The following TNRC18 variants were observed in gnomAD, a reference collection of about 807,000 sequenced individuals.
The protein encoded by TNRC18 is trinucleotide repeat containing 18.
Under a neutral mutation model 226.7 loss-of-function variants are expected in TNRC18, and 69 were observed. The ratio of observed to expected loss-of-function variants is 0.30; its 90% CI spans 0.25 to 0.37. The LOEUF is 0.37. TNRC18 is among the 10% of genes least tolerant of loss of function. The probability of loss-of-function intolerance (pLI) is 1.00; values close to 1 mark genes in which losing one functional copy is unlikely to be tolerated. For synonymous variants in TNRC18, 2,449 were observed against 1,927.6 expected, an observed-to-expected ratio of 1.27 and a Z score of -7.09; for missense variants, 4,754 against 4,256.6, an observed-to-expected ratio of 1.12 and a Z score of -3.25.
intron 3 of TNRC18, among the ~76,000 whole-genome samples, chr7:5,391,153 T>C (rs1180842744): frequency 6.6e-6 from 1 of 151,968 alleles, no homozygotes; most frequent in Non-Finnish European, 1.5e-5. Context: ...CTGCCTTCTC[T>C]GAACCTCAGC....
rs773873114 is a variant in TNRC18 at position 5,313,772 on chromosome 7, C to T, written c.7119G>A (p.Lys2373=). 41 of 1,547,390 alleles carry T rather than the reference C, an allele frequency of 2.6e-5. No individual in the cohort carries two copies. In the African/African-American group the frequency reaches 3.6e-4, roughly 13 times the overall value. ...TGTCCACAGGCTCTGGGGGGCTCTT[C>T]TTGGAACCTGGGGTGCTGCTCGGCT... ...ALEPSSTPGS[K]KSPPEPVDKR... is the part of the protein sequence containing the mutation. Residue 2373 remains lysine (K), a synonymous_variant, in exon 27 of 30, where the codon AAG becomes AAA. Coordinates refer to ENST00000430969, the MANE Select transcript of TNRC18 (RefSeq NM_001080495.3).
At chr7:5,373,833 C>T (rs1401890338) in intron 10 of TNRC18, among the ~76,000 whole-genome samples, 1 of 152,084 alleles carries the variant, frequency 6.6e-6, no homozygotes, top group African/African-American at 2.4e-5. Flanking sequence ...TAATATTACA[C>T]CCATTTCCCT....
chr7:5,360,397 T>G (rs978486103), intron 14 of TNRC18, among the ~76,000 whole-genome samples: 1 of 152,008 alleles, frequency 6.6e-6, no homozygotes, highest in South Asian at 2.1e-4. Context: ...ACCTGGCTAA[T>G]TTTTGTATTT....
intron 5 of TNRC18, among the ~76,000 whole-genome samples, chr7:5,383,652 A>C (rs1249517078): frequency 6.6e-6 from 1 of 152,210 alleles, no homozygotes; most frequent in Non-Finnish European, 1.5e-5. Flanking sequence ...AGCTGGGGGA[A>C]CTGCCCAGAC....
chr7:5,345,516 C>CGGGGGCGG, intron 18 of TNRC18, 46 bp downstream of exon 18: 1 of 354,368 alleles, frequency 2.8e-6, no homozygotes, highest in Non-Finnish European at 5.2e-6. Flanking sequence ...CAATGGCGTC[C>CGGGGGCGG]GCCCCTCCCA....
intron 11 of TNRC18, among the ~76,000 whole-genome samples, chr7:5,363,378 A>G (rs1049840077): frequency 6.6e-6 from 1 of 151,982 alleles, no homozygotes; most frequent in Non-Finnish European, 1.5e-5. Flanking sequence ...CGAGGCGGGC[A>G]GATCATGAGG....
At chr7:5,379,030 C>T (rs144181737) in intron 5 of TNRC18, among the ~76,000 whole-genome samples, 2,876 of 151,810 alleles carry the variant, frequency 0.019, 68 homozygotes, top group South Asian at 0.057. Flanking sequence ...ACCGTCTCTA[C>T]TAAAAAAAAT....
intron 15 of TNRC18, 133 bp downstream of exon 15, chr7:5,359,265 C>T (rs761016185): frequency 4.6e-5 from 43 of 926,428 alleles, no homozygotes; most frequent in Non-Finnish European, 6.7e-5. Context: ...AGAGTCATTC[C>T]GGCATTGAAG....
chr7:5,377,518 C>T lies in TNRC18; in HGVS notation c.2314G>A (p.Gly772Ser). The T allele has an allele frequency of 2.5e-6, 4 of 1,588,538 alleles. No individual in the cohort carries two copies. Among genetic ancestry groups the T allele is most frequent in the Non-Finnish European group, 3.4e-6 (4 of 1,168,124 alleles). The change falls in exon 7 of 30, where the codon GGC becomes AGC. Residue 772 changes from glycine (G) to serine (S), a missense_variant. Gly to Ser is a moderately conservative substitution (Grantham distance 56). Coordinates refer to ENST00000430969, the MANE Select transcript of TNRC18 (RefSeq NM_001080495.3). This position sits in a 1 kb window ranked among gnomAD's most constrained non-coding sequence, Gnocchi z 5.8. The stretch of plus-strand genomic sequence containing the variant: ...GTCACCATGAGGTTGGGGTTCAGGC[C>T]GTTAGGAGCACAGCTGGTAGGGTGC... Reference protein sequence around the residue: ...RLHPTSCAPNGLNPNLMVTGG... With the variant: ...RLHPTSCAPNSLNPNLMVTGG...
Position 5,309,496 on chromosome 7 carries a change from G to C in TNRC18, c.8389-128C>G. 2 of 755,618 alleles carry C rather than the reference G, an allele frequency of 2.6e-6. No individual in the cohort carries two copies. Among genetic ancestry groups the C allele is most frequent in the Non-Finnish European group, 2.1e-6 (1 of 471,916 alleles). The allele number at this position is 755,618 out of a possible 1,614,324, so 46.8% of individuals were successfully genotyped here. A position where few individuals can be genotyped will look rare whatever the true frequency, so the allele number is the denominator to read the frequency against. On this transcript the variant is annotated intron_variant, in intron 27 of 29. Transcript: ENST00000430969. The surrounding 1 kb of genome is among the most constrained non-coding windows in gnomAD (Gnocchi z 5.7). ...ATCAACCCCTATCCAACTGTGGGGA[G>C]ATGAGGAAGCTCCTTGTCTCGCTTC...
intron 19 of TNRC18, 64 bp from the exon 20 acceptor site, chr7:5,325,312 T>A: frequency 6.6e-7 from 1 of 1,512,886 alleles, no homozygotes; most frequent in African/African-American, 1.4e-5. Flanking sequence ...AGCACCCCTG[T>A]CCCCCTCACT....
At position 5,316,052 on chromosome 7, in the gene TNRC18, C is replaced by T. The variant is rs1256713064; in HGVS notation, c.6766G>A (p.Asp2256Asn). ...VVRGLLDLED[D>N]GDLITVEFDD... is the part of the protein sequence containing the mutation. ...AACTCCACGGTGATCAAGTCCCCAT[C>T]GTCCTCCAGGTCCAGTAACCCTGTG... The change falls in exon 25 of 30, where the codon GAT becomes AAT. Residue 2256 changes from aspartate (D) to asparagine (N), a missense_variant. By Grantham distance (23) the Asp-to-Asn change is conservative (BLOSUM62 1). Transcript: ENST00000430969. 6.2e-7 allele frequency: 1 copy of T among 1,611,002 alleles called. No homozygotes were observed. Among genetic ancestry groups the T allele is most frequent in the Non-Finnish European group, 8.5e-7 (1 of 1,178,560 alleles).
chr7:5,422,085 G>A (rs1453783609), intron 1 of TNRC18, among the ~76,000 whole-genome samples: 1 of 152,228 alleles, frequency 6.6e-6, no homozygotes, highest in East Asian at 1.9e-4. Flanking sequence ...TTTTAAAGAG[G>A]CTCGTGGTCC....
intron 17 of TNRC18, among the ~76,000 whole-genome samples, chr7:5,349,046 A>C (rs1455158924): frequency 6.6e-6 from 1 of 152,182 alleles, no homozygotes; most frequent in Non-Finnish European, 1.5e-5. Flanking sequence ...AGACTCCAGA[A>C]ATCTTTCCCA....
chr7:5,361,720 TC>T lies in TNRC18; in HGVS notation c.4534del (p.Asp1512ThrfsTer44). On this transcript the variant is annotated frameshift_variant and splice_region_variant, in exon 14 of 30. Transcript: ENST00000430969. LOFTEE classifies it high-confidence loss of function. ...GCTTCTATGGGGTTCCTCGCGCCTG[TC>T]CCTTAAAAAGAATCACACGCTTGGC... ...VKLQRRRDSE[D>X]RREEPHRSLA... is the part of the protein sequence containing the mutation. 6.4e-7 allele frequency: 1 copy of T among 1,564,256 alleles called. No individual in the cohort carries two copies.
chr7:5,404,078 G>T (rs7784026), intron 2 of TNRC18, among the ~76,000 whole-genome samples: 20,436 of 152,262 alleles, frequency 0.13, 2,573 homozygotes, highest in African/African-American at 0.33. Context: ...AATGCCATAA[G>T]AATCCCAGGC....
At position 5,357,014 on chromosome 7, in the gene TNRC18, G is replaced by A. The variant is rs1180334209; in HGVS notation, c.5096C>T (p.Ala1699Val). The A allele has an allele frequency of 6.4e-7, 1 of 1,552,346 alleles. No homozygotes were observed. The highest frequency in any genetic ancestry group is 8.7e-7 in the Non-Finnish European group (1 of 1,147,142). Residue 1699 changes from alanine (A) to valine (V), a missense_variant, in exon 16 of 30, where the codon GCA becomes GTA. By Grantham distance (64) the Ala-to-Val change is moderately conservative. Transcript: ENST00000430969. Reference protein sequence around the residue: ...KSSREGKHKRAAKTRKMEVGF... With the variant: ...KSSREGKHKRVAKTRKMEVGF... ...CACCTCCATCTTCCTGGTTTTGGCT[G>A]CCCTTTTGTGTTTACCTTCTCTGGA...
chr7:5,421,034 G>T (rs948847233), intron 2 of TNRC18, 26 bp downstream of exon 2: 2 of 1,534,236 alleles, frequency 1.3e-6, no homozygotes, highest in Non-Finnish European at 1.8e-6. Flanking sequence ...AGACAGGAGG[G>T]GACGGGCACG....
At position 5,307,985 on chromosome 7, in the gene TNRC18, T is replaced by C. The variant is rs1405287088; in HGVS notation, c.*121A>G. ...GCATCCACGTGCACACCTGGCCCCATGCACACGCCTGCAGGAGCGCTCGCA... is the reference window on the plus strand; with the variant it reads ...GCATCCACGTGCACACCTGGCCCCACGCACACGCCTGCAGGAGCGCTCGCA... On this transcript the variant is annotated 3_prime_UTR_variant, in exon 30 of 30. Transcript: ENST00000430969. The C allele has an allele frequency of 4.0e-5, 36 of 902,218 alleles. No individual in the cohort carries two copies. The highest frequency in any genetic ancestry group is 4.9e-5 in the Admixed American group (2 of 40,828). The allele number at this position is 902,218 out of a possible 1,614,324, so 55.9% of individuals were successfully genotyped here.
Sources: gnomAD v4.1 joint callset for allele counts (sites outside exome capture counted in the v4.1 genomes callset) on GRCh38, gnomAD v4.1.1 for gene constraint, Gnocchi (gnomAD v3.1) non-coding constraint, MANE v1.5 for transcripts, NCBI Gene and HGNC (gene_info 2026-07-23, HGNC 2026-07-21) for gene names.